GALNT9: variants seen among roughly 807,000 people sequenced by gnomAD.
The protein encoded by GALNT9 is GalNAc transferase 9.
A neutral mutation model predicts 63.1 loss-of-function variants in GALNT9; 47 were observed. That is an observed-to-expected ratio of 0.75 (90% CI 0.59 to 0.95). The LOEUF is 0.95. GALNT9 is among the 40% of genes least tolerant of loss of function. GALNT9 has a pLI of 0.00. For synonymous variants in GALNT9, 396 were observed against 365.7 expected, an observed-to-expected ratio of 1.08 and a Z score of -0.94; for missense variants, 829 against 874.8, an observed-to-expected ratio of 0.95 and a Z score of 0.66.
At chr12:132,240,566 C>A (rs1878221752) in intron 6 of GALNT9, 1 of 449,930 alleles carries the variant, frequency 2.2e-6, no homozygotes, top group African/African-American at 2.0e-5. Context: ...GCTGTGGGCT[C>A]CGTGCGTGGC....
At position 132,308,205 on chromosome 12, in the gene GALNT9, G is replaced by A. The variant is rs569322369; in HGVS notation, c.238+20761C>T. On this transcript the variant is annotated intron_variant, in intron 1 of 10. Transcript: ENST00000328957. ...GGAGGGAAGGACAGACCCTCCCTGC[G>A]GCCTCTGGAGGCTGCACAGCCCTGC... Among the ~76,000 whole-genome samples, 229 of 152,318 alleles carry A rather than the reference G, an allele frequency of 1.5e-3. 1 individual carries two copies. Among genetic ancestry groups the A allele is most frequent in the African/African-American group, 5.2e-3 (216 of 41,570 alleles).
At chr12:132,258,231 G>T in intron 4 of GALNT9, among the ~76,000 whole-genome samples, 1 of 152,240 alleles carries the variant, frequency 6.6e-6, no homozygotes, top group South Asian at 2.1e-4. Flanking sequence ...TCCCCAGCTC[G>T]GTCTCCCTCT....
At chr12:132,243,448 TG>T (rs1374212766) in intron 6 of GALNT9, among the ~76,000 whole-genome samples, 4 of 148,158 alleles carry the variant, frequency 2.7e-5, no homozygotes, top group Non-Finnish European at 4.4e-5. Flanking sequence ...CTCTCTCTGG[TG>T]GGGGCCCCAC....
At chr12:132,264,838 G>A (rs1480523876) in intron 2 of GALNT9, among the ~76,000 whole-genome samples, 1 of 152,186 alleles carries the variant, frequency 6.6e-6, no homozygotes, top group Non-Finnish European at 1.5e-5. Flanking sequence ...TGGACCAGCC[G>A]TCAGCAGATG....
chr12:132,237,419 C>T (rs1878046625), intron 6 of GALNT9, among the ~76,000 whole-genome samples: 1 of 151,964 alleles, frequency 6.6e-6, no homozygotes, highest in South Asian at 2.1e-4. Flanking sequence ...AAACACCTGC[C>T]TACACCTTCT....
Position 132,236,386 on chromosome 12 carries a change from G to A in GALNT9, c.1077+11524C>T, listed in dbSNP as rs2135528123. 6.6e-6 allele frequency among the ~76,000 whole-genome samples: 1 copy of A among 152,160 alleles called. No homozygotes were observed. The highest frequency in any genetic ancestry group is 2.4e-5 in the African/African-American group (1 of 41,514). ...CTCCAGGCCTGGTGTCTCTGGAGGG[G>A]GCCTCGGAACCGGAGGGGAAGACCC... On this transcript the variant is annotated intron_variant, in intron 6 of 10. Coordinates refer to ENST00000328957, the MANE Select transcript of GALNT9 (RefSeq NM_001122636.2). The surrounding 1 kb of genome is among the most constrained non-coding windows in gnomAD (Gnocchi z 5.6).
intron 6 of GALNT9, among the ~76,000 whole-genome samples, chr12:132,207,218 C>T (rs577017996): frequency 7.2e-5 from 11 of 152,326 alleles, no homozygotes; most frequent in East Asian, 1.9e-4. Context: ...GCCTGCTATC[C>T]GTCCCCGTCT....
At chr12:132,320,273 C>T (rs1449957733) in intron 1 of GALNT9, among the ~76,000 whole-genome samples, 15 of 152,334 alleles carry the variant, frequency 9.8e-5, no homozygotes, top group African/African-American at 3.6e-4. Flanking sequence ...GAGGGTGCTG[C>T]GTGCAGAGCC....
chr12:132,221,517 G>A (rs1877447909), intron 6 of GALNT9, among the ~76,000 whole-genome samples: 1 of 149,982 alleles, frequency 6.7e-6, no homozygotes, highest in Non-Finnish European at 1.5e-5. Flanking sequence ...AATTAGCTGG[G>A]TGTGGTGGTG....
chr12:132,297,970 C>T (rs907072915), intron 1 of GALNT9, among the ~76,000 whole-genome samples: 1 of 151,950 alleles, frequency 6.6e-6, no homozygotes, highest in Admixed American at 6.6e-5. Context: ...TAATAACCAA[C>T]TCACATCCAA....
At chr12:132,227,511 G>C (rs1456579900) in intron 6 of GALNT9, among the ~76,000 whole-genome samples, 2 of 152,222 alleles carry the variant, frequency 1.3e-5, no homozygotes, top group African/African-American at 2.4e-5. Flanking sequence ...TGCACGTCTC[G>C]GCCCAGACAG....
At chr12:132,257,954 C>T in intron 4 of GALNT9, 68 bp from the exon 5 acceptor site, 1 of 1,141,630 alleles carries the variant, frequency 8.8e-7, no homozygotes, top group African/African-American at 1.5e-5. Context: ...GGTCCACTCG[C>T]CCACAGGGAG....
intron 3 of GALNT9, among the ~76,000 whole-genome samples, chr12:132,261,385 C>A (rs1879378603): frequency 1.4e-5 from 2 of 144,056 alleles, no homozygotes; most frequent in South Asian, 4.1e-4. Context: ...CAGACAGCAG[C>A]CCATGCTGTG....
chr12:132,243,322 C>T lies in GALNT9; in HGVS notation c.1077+4588G>A, dbSNP rs1555237604. Among the ~76,000 whole-genome samples the T allele has an allele frequency of 1.0e-4, 12 of 115,508 alleles. 1 individual carries two copies. The highest frequency in any genetic ancestry group is 4.7e-4 in the Admixed American group (5 of 10,724). The allele number at this position is 115,508 out of a possible 152,430, so 75.8% of individuals were successfully genotyped here. A position where few individuals can be genotyped will look rare whatever the true frequency, so the allele number is the denominator to read the frequency against. ...CTCCCTATACCCATTACACACACAC[C>T]ACACACCCTTCCCGGGGGGCCATCA... On this transcript the variant is annotated intron_variant, in intron 6 of 10. Coordinates refer to ENST00000328957, the MANE Select transcript of GALNT9 (RefSeq NM_001122636.2).
At chr12:132,267,785 ACACACGCACT>A (rs1351159410) in intron 2 of GALNT9, among the ~76,000 whole-genome samples, 20 of 105,640 alleles carry the variant, frequency 1.9e-4, no homozygotes, top group Admixed American at 8.5e-4. Flanking sequence ...ACACACGCAC[ACACACGCACT>A]CACACGCACT....
chr12:132,281,834 A>G (rs1481829338), intron 2 of GALNT9, among the ~76,000 whole-genome samples: 2 of 151,766 alleles, frequency 1.3e-5, no homozygotes, highest in Non-Finnish European at 2.9e-5. Flanking sequence ...GCTCCACTAC[A>G]GCAAGCCCAG....
chr12:132,287,299 A>G (rs1182108143), intron 1 of GALNT9, among the ~76,000 whole-genome samples: 1 of 151,924 alleles, frequency 6.6e-6, no homozygotes, highest in East Asian at 1.9e-4. Context: ...GTCTCTATCA[A>G]CCCGAAACTG....
chr12:132,269,016 AG>A (rs782312983), intron 2 of GALNT9, among the ~76,000 whole-genome samples: 4 of 152,242 alleles, frequency 2.6e-5, no homozygotes, highest in Non-Finnish European at 4.4e-5. Context: ...CTGGAGTTCA[AG>A]CCAGGGCTAG....
At chr12:132,218,985 C>G (rs1877328260) in intron 6 of GALNT9, among the ~76,000 whole-genome samples, 1 of 152,102 alleles carries the variant, frequency 6.6e-6, no homozygotes, top group African/African-American at 2.4e-5. Flanking sequence ...CACCTGGGAC[C>G]TGTGGAGTCA....
Sources: allele counts gnomAD v4.1 joint callset (sites outside exome capture counted in the v4.1 genomes callset), GRCh38; gene constraint gnomAD v4.1.1; non-coding constraint Gnocchi (gnomAD v3.1); transcripts MANE v1.5; gene names NCBI Gene and HGNC (gene_info 2026-07-23, HGNC 2026-07-21).